Variants in BRD3 observed in about 807,000 individuals in gnomAD.
The protein encoded by BRD3 is bromodomain-containing protein 3.
A neutral mutation model predicts 66.8 loss-of-function variants in BRD3; 17 were observed. That is an observed-to-expected ratio of 0.25 (90% CI 0.17 to 0.38). The LOEUF (loss-of-function observed/expected upper bound fraction) is 0.38. BRD3 is among the 10% of genes least tolerant of loss of function. The probability of loss-of-function intolerance (pLI) is 1.00; values close to 1 mark genes in which losing one functional copy is unlikely to be tolerated. For missense variants in BRD3, 713 were observed against 956.1 expected, an observed-to-expected ratio of 0.75 and a Z score of 3.35; for synonymous variants, 421 against 393.2, an observed-to-expected ratio of 1.07 and a Z score of -0.84.
At chr9:134,043,751 T>C (rs1236820392) in intron 7 of BRD3, among the ~76,000 whole-genome samples, 1 of 152,244 alleles carries the variant, frequency 6.6e-6, no homozygotes, top group Non-Finnish European at 1.5e-5. Flanking sequence ...TGGAGTGCTG[T>C]GCAACCACAG....
In BRD3 at chr9:134,063,221, C is replaced by T. The variant is rs182973165; in HGVS notation, c.-114+4724G>A. 3.2e-4 allele frequency among the ~76,000 whole-genome samples: 49 copies of T among 152,346 alleles called. No homozygotes were observed. The East Asian group carries it at 7.0e-3, about 22-fold the overall frequency. ...TGCAGGACGCCCCCAGGCCTGTTGC[C>T]GGGACAGACCGGAGGCAGAGCTAAG... On this transcript the variant is annotated intron_variant, in intron 1 of 11. Transcript: ENST00000303407.
intron 1 of BRD3, among the ~76,000 whole-genome samples, chr9:134,065,095 C>T (rs115164079): frequency 3.0e-4 from 46 of 152,328 alleles, no homozygotes; most frequent in African/African-American, 1.1e-3. Context: ...CATCCAGTTA[C>T]CTTCTAGCTT....
At chr9:134,051,755 G>T in intron 3 of BRD3, 46 bp from the exon 4 acceptor site, 1 of 1,562,086 alleles carries the variant, frequency 6.4e-7, no homozygotes, top group Non-Finnish European at 8.6e-7. Flanking sequence ...AAGGAGCTGT[G>T]TGCTTGCAAA....
chr9:134,053,385 C>G lies in BRD3; in HGVS notation c.93G>C (p.Lys31Asn). The G allele has an allele frequency of 6.3e-7, 1 of 1,599,520 alleles. No individual in the cohort carries two copies. The highest frequency in any genetic ancestry group is 8.5e-7 in the Non-Finnish European group (1 of 1,173,130). Reference protein sequence around the residue: ...PPPPEVSNPSKPGRKTNQLQY... With the variant: ...PPPPEVSNPSNPGRKTNQLQY... ...GCAGCTGGTTGGTCTTGCGGCCGGG[C>G]TTGCTGGGGTTGGAGACCTCCGGGG... Residue 31 changes from lysine (K) to asparagine (N), a missense_variant, in exon 2 of 12, where the codon AAG becomes AAC. Lys to Asn is a moderately conservative substitution (Grantham distance 94, BLOSUM62 0). This residue lies in a region of BRD3 where 85 missense variants were observed against 152.4 expected (regional missense o/e 0.56). Coordinates refer to ENST00000303407, the MANE Select transcript of BRD3 (RefSeq NM_007371.4).
chr9:134,034,603 A>G, intron 11 of BRD3, 98 bp downstream of exon 11: 2 of 1,503,022 alleles, frequency 1.3e-6, no homozygotes, highest in Admixed American at 2.0e-5. Flanking sequence ...TCAGGAGGTA[A>G]GCCACACTCA....
intron 6 of BRD3, among the ~76,000 whole-genome samples, chr9:134,046,940 G>C (rs969174356): frequency 6.6e-6 from 1 of 152,246 alleles, no homozygotes; most frequent in Admixed American, 6.5e-5. Context: ...AACCCCCCAT[G>C]ATGTTCCAGA....
intron 9 of BRD3, among the ~76,000 whole-genome samples, chr9:134,036,791 G>A (rs370735321): frequency 3.3e-4 from 50 of 151,426 alleles, no homozygotes; most frequent in Admixed American, 7.9e-4. Context: ...GGTGGATCAC[G>A]AGGTCAGTAG....
intron 1 of BRD3, among the ~76,000 whole-genome samples, chr9:134,064,447 G>C (rs1367737437): frequency 6.6e-6 from 1 of 152,094 alleles, no homozygotes; most frequent in African/African-American, 2.4e-5. Flanking sequence ...GGCTGAGCCA[G>C]GGAGAATTGC....
chr9:134,031,623 TA>T lies in BRD3; in HGVS notation c.*1966del. ...CCAAGTGTCAGACTCACCAGCAATT[TA>T]AAAAATGATAATTTACCAGCATCTC... On this transcript the variant is annotated 3_prime_UTR_variant, in exon 12 of 12. Coordinates refer to ENST00000303407, the MANE Select transcript of BRD3 (RefSeq NM_007371.4). 4.7e-6 allele frequency: 1 copy of T among 212,640 alleles called. No individual in the cohort carries two copies. The highest frequency in any genetic ancestry group is 9.5e-6 in the Non-Finnish European group (1 of 105,098). The allele number at this position is 212,640 out of a possible 1,614,324, so 13.2% of individuals were successfully genotyped here. A position where few individuals can be genotyped will look rare whatever the true frequency, so the allele number is the denominator to read the frequency against.
intron 1 of BRD3, among the ~76,000 whole-genome samples, chr9:134,061,239 C>A (rs1830538836): frequency 6.6e-6 from 1 of 152,246 alleles, no homozygotes; most frequent in African/African-American, 2.4e-5. Flanking sequence ...CTGGGGCAAA[C>A]CAGCCAAGGG....
chr9:134,033,676 G>T lies in BRD3; in HGVS notation c.2095C>A (p.Pro699Thr). 1 of 760,768 alleles carries T rather than the reference G, an allele frequency of 1.3e-6. No individual in the cohort carries two copies. Among genetic ancestry groups the T allele is most frequent in the South Asian group, 1.4e-5 (1 of 72,266 alleles). The allele number at this position is 760,768 out of a possible 1,614,324, so 47.1% of individuals were successfully genotyped here. ...EKPGSAPSGG[P>T]SRLSSSSSSE... The stretch of plus-strand genomic sequence containing the variant: ...GAGCTGCTGCTGCTGAGCCTGGACG[G>T]GCCCCCTGAGGGTGCTGAGCCGGGC... The change falls in exon 12 of 12, where the codon CCG becomes ACG. Residue 699 changes from proline (P) to threonine (T), a missense_variant. By Grantham distance (38) the Pro-to-Thr change is conservative. This residue lies in a region of BRD3 where 42 missense variants were observed against 29.2 expected (regional missense o/e 1.44). Transcript: ENST00000303407. This position sits in a 1 kb window ranked among gnomAD's most constrained non-coding sequence, Gnocchi z 5.1.
At chr9:134,043,149 T>G (rs1830096258) in intron 7 of BRD3, among the ~76,000 whole-genome samples, 2 of 152,206 alleles carry the variant, frequency 1.3e-5, no homozygotes, top group Non-Finnish European at 2.9e-5. Flanking sequence ...TACTTTATTT[T>G]TTGTAGGGAC....
At chr9:134,050,609 G>A (rs1181929991) in intron 4 of BRD3, 21 bp from the exon 5 acceptor site, 3 of 1,581,114 alleles carry the variant, frequency 1.9e-6, no homozygotes, top group African/African-American at 1.3e-5. Flanking sequence ...AGGAAGGGAT[G>A]TTCAACACAC....
At chr9:134,059,839 G>C in intron 1 of BRD3, among the ~76,000 whole-genome samples, 1 of 152,190 alleles carries the variant, frequency 6.6e-6, no homozygotes, top group Non-Finnish European at 1.5e-5. Context: ...AGGCAGCCTG[G>C]CCATCAGCAG....
intron 9 of BRD3, 22 bp downstream of exon 9, chr9:134,040,012 C>T (rs755335049): frequency 6.4e-7 from 1 of 1,572,170 alleles, no homozygotes; most frequent in East Asian, 2.3e-5. Context: ...GCTCTTGGAG[C>T]CCGAGCAGGT....
At chr9:134,044,039 C>T (rs56185924) in intron 7 of BRD3, among the ~76,000 whole-genome samples, 3 of 152,342 alleles carry the variant, frequency 2.0e-5, no homozygotes, top group Non-Finnish European at 4.4e-5. Context: ...CCTGGGTTTC[C>T]GTCCTCTATG....
At position 134,033,235 on chromosome 9, in the gene BRD3, T is replaced by C; in HGVS notation, c.*355A>G. On this transcript the variant is annotated 3_prime_UTR_variant, in exon 12 of 12. Transcript: ENST00000303407. This position sits in a 1 kb window ranked among gnomAD's most constrained non-coding sequence, Gnocchi z 5.1. ...ACATTTCCTTGGAAAAAATTCTTTCTCGAGCTATCGACCAGGTTGGGCCTA... is the reference window on the plus strand; with the variant it reads ...ACATTTCCTTGGAAAAAATTCTTTCCCGAGCTATCGACCAGGTTGGGCCTA... The C allele has an allele frequency of 2.5e-6, 1 of 403,246 alleles. No homozygotes were observed. Among genetic ancestry groups the C allele is most frequent in the Non-Finnish European group, 4.4e-6 (1 of 229,028 alleles). 25.0% of individuals were successfully genotyped at this position (403,246 alleles called of 1,614,324 possible).
In BRD3 at chr9:134,031,247, C is replaced by T. The variant is rs1398997837; in HGVS notation, c.*2343G>A. 1 of 213,656 alleles carries T rather than the reference C, an allele frequency of 4.7e-6. No individual in the cohort carries two copies. The highest frequency in any genetic ancestry group is 9.5e-6 in the Non-Finnish European group (1 of 105,664). The allele number at this position is 213,656 out of a possible 1,614,324, so 13.2% of individuals were successfully genotyped here. ...AAGGCCCCACGATGCTCCTGCTGCGCTGCCCCCACAGCCGGCCGCTCCCCC... is the reference window on the plus strand; with the variant it reads ...AAGGCCCCACGATGCTCCTGCTGCGTTGCCCCCACAGCCGGCCGCTCCCCC... On this transcript the variant is annotated 3_prime_UTR_variant, in exon 12 of 12. Transcript: ENST00000303407.
At chr9:134,039,136 A>G (rs1370730299) in intron 9 of BRD3, among the ~76,000 whole-genome samples, 1 of 152,008 alleles carries the variant, frequency 6.6e-6, no homozygotes, top group Non-Finnish European at 1.5e-5. Context: ...GAGCCACACC[A>G]ATTTCTTTTG....
Sources: gnomAD v4.1 joint callset for allele counts (sites outside exome capture counted in the v4.1 genomes callset) on GRCh38, gnomAD v4.1.1 for gene constraint, gnomAD v4.1.1 regional missense constraint, Gnocchi (gnomAD v3.1) non-coding constraint, MANE v1.5 for transcripts, NCBI Gene and HGNC (gene_info 2026-07-23, HGNC 2026-07-21) for gene names.